HDAC4: variants seen among roughly 807,000 people sequenced by gnomAD.
HDAC4 encodes histone deacetylase A.
A neutral mutation model predicts 135.1 loss-of-function variants in HDAC4; 16 were observed. That is an observed-to-expected ratio of 0.12 (90% CI 0.08 to 0.18). The LOEUF is 0.18. Among genes scored for constraint, HDAC4 ranks in the 10% least tolerant of loss-of-function variants. The probability of loss-of-function intolerance (pLI) is 1.00; values close to 1 mark genes in which losing one functional copy is unlikely to be tolerated. For synonymous variants in HDAC4, 685 were observed against 653.4 expected, an observed-to-expected ratio of 1.05 and a Z score of -0.74; for missense variants, 1,143 against 1,511.8, an observed-to-expected ratio of 0.76 and a Z score of 4.05.
At chr2:239,343,305 C>T (rs1393710569) in intron 2 of HDAC4, among the ~76,000 whole-genome samples, 6 of 152,230 alleles carry the variant, frequency 3.9e-5, no homozygotes, top group African/African-American at 1.4e-4. Context: ...GTGAAAGTTT[C>T]AGCCCAAATC....
intron 3 of HDAC4, among the ~76,000 whole-genome samples, chr2:239,221,549 C>T (rs191127521): frequency 1.3e-5 from 2 of 152,138 alleles, no homozygotes; most frequent in East Asian, 1.9e-4. Flanking sequence ...CAGCACTCAC[C>T]GCAAGGCCTG....
At chr2:239,398,624 T>C (rs1191113515) in intron 1 of HDAC4, among the ~76,000 whole-genome samples, 1 of 152,244 alleles carries the variant, frequency 6.6e-6, no homozygotes, top group Non-Finnish European at 1.5e-5. Flanking sequence ...TGCCAGGTTG[T>C]CCTGTCCATC....
At chr2:239,343,258 G>A (rs766706043) in intron 2 of HDAC4, among the ~76,000 whole-genome samples, 37 of 152,172 alleles carry the variant, frequency 2.4e-4, no homozygotes, top group Admixed American at 1.6e-3. Flanking sequence ...ATGTTCTCAT[G>A]AAATAAACAA....
chr2:239,367,111 A>C (rs188220784), intron 1 of HDAC4, among the ~76,000 whole-genome samples: 3 of 152,312 alleles, frequency 2.0e-5, no homozygotes, highest in African/African-American at 7.2e-5. Context: ...CCCGTTTCTA[A>C]AACAGCGGTC....
Position 239,349,615 on chromosome 2 carries a change from C to T in HDAC4, c.22+3063G>A, listed in dbSNP as rs1363742857. Among the ~76,000 whole-genome samples the T allele has an allele frequency of 6.6e-6, 1 of 152,168 alleles. No homozygotes were observed. The highest frequency in any genetic ancestry group is 1.5e-5 in the Non-Finnish European group (1 of 68,018). On this transcript the variant is annotated intron_variant, in intron 2 of 26. Coordinates refer to ENST00000543185, the MANE Select transcript of HDAC4 (RefSeq NM_001378414.1). This position sits in a 1 kb window ranked among gnomAD's most constrained non-coding sequence, Gnocchi z 5.7. Reference sequence around the variant, plus strand: ...GGGAGGGCACGGTTCTGGGCAAGCCCCATCCCCCGCCTGAGACGTGGGCAG... The same window carrying T: ...GGGAGGGCACGGTTCTGGGCAAGCCTCATCCCCCGCCTGAGACGTGGGCAG...
At chr2:239,165,127 G>C (rs1188480252) in intron 5 of HDAC4, among the ~76,000 whole-genome samples, 1 of 152,146 alleles carries the variant, frequency 6.6e-6, no homozygotes, top group African/African-American at 2.4e-5. Flanking sequence ...GGAGGCTGAG[G>C]TGAGATAATC....
At chr2:239,114,363 G>C (rs1023627255) in intron 13 of HDAC4, among the ~76,000 whole-genome samples, 1 of 152,170 alleles carries the variant, frequency 6.6e-6, no homozygotes, top group African/African-American at 2.4e-5. Flanking sequence ...GTGGTTCCTC[G>C]GACTGGCTTC....
At chr2:239,273,940 T>G (rs541459741) in intron 2 of HDAC4, among the ~76,000 whole-genome samples, 2 of 152,354 alleles carry the variant, frequency 1.3e-5, no homozygotes, top group Admixed American at 6.5e-5. Context: ...GACTGATTAT[T>G]TGATGGATTC....
intron 2 of HDAC4, among the ~76,000 whole-genome samples, chr2:239,339,759 C>A (rs1692182481): frequency 6.6e-6 from 1 of 152,160 alleles, no homozygotes; most frequent in African/African-American, 2.4e-5. Flanking sequence ...TCCACCAAAT[C>A]CACTCATAAC....
At position 239,066,657 on chromosome 2, in the gene HDAC4, A is replaced by C. The variant is rs1388422642; in HGVS notation, c.3003+65T>G. 12 of 1,610,054 alleles carry C rather than the reference A, an allele frequency of 7.5e-6. No individual in the cohort carries two copies. The African/African-American group carries it at 8.0e-5, about 11-fold the overall frequency. On this transcript the variant is annotated intron_variant, in intron 24 of 26. Coordinates refer to ENST00000543185, the MANE Select transcript of HDAC4 (RefSeq NM_001378414.1). ...TTTTCATGCTCTGGGGCTCTCGGGC[A>C]GCCAGGCCACAACCCCGAGCCTGTC...
At chr2:239,080,684 TAAAG>T (rs2035228040) in intron 22 of HDAC4, among the ~76,000 whole-genome samples, 1 of 152,156 alleles carries the variant, frequency 6.6e-6, no homozygotes. Context: ...TAGGAATAAA[TAAAG>T]AAGAAATACT....
intron 13 of HDAC4, 61 bp downstream of exon 13, chr2:239,114,992 C>T: frequency 6.3e-7 from 1 of 1,594,022 alleles, no homozygotes; most frequent in South Asian, 1.1e-5. Context: ...GAAGATGCCA[C>T]CTGGGGACCG....
At chr2:239,394,228 C>G (rs1412984822) in intron 1 of HDAC4, among the ~76,000 whole-genome samples, 1 of 152,194 alleles carries the variant, frequency 6.6e-6, no homozygotes, top group Non-Finnish European at 1.5e-5. Context: ...TTGACTCACA[C>G]AGACGGAGTA....
intron 3 of HDAC4, among the ~76,000 whole-genome samples, chr2:239,207,566 G>A (rs1332100948): frequency 6.6e-6 from 1 of 152,060 alleles, no homozygotes; most frequent in Non-Finnish European, 1.5e-5. Context: ...ATATGGCAGA[G>A]ATTTAAAAAA....
chr2:239,239,098 A>C (rs1490477840), intron 2 of HDAC4, among the ~76,000 whole-genome samples: 1 of 152,274 alleles, frequency 6.6e-6, no homozygotes, highest in East Asian at 1.9e-4. Context: ...TGGGCGTCCA[A>C]TGATCCAGTT....
At chr2:239,162,135 G>A (rs1401930160) in intron 6 of HDAC4, 4 of 456,808 alleles carry the variant, frequency 8.8e-6, no homozygotes, top group Non-Finnish European at 1.8e-5. Context: ...CAGCCCCACT[G>A]CTCTAGTCCT....
At chr2:239,188,439 C>A (rs2044691246) in intron 4 of HDAC4, among the ~76,000 whole-genome samples, 1 of 152,248 alleles carries the variant, frequency 6.6e-6, no homozygotes, top group South Asian at 2.1e-4. Flanking sequence ...AGCTACTCTG[C>A]ACACTAGGTG....
chr2:239,226,668 G>GGGA (rs1451624531), intron 3 of HDAC4, among the ~76,000 whole-genome samples: 3 of 151,838 alleles, frequency 2.0e-5, no homozygotes, highest in African/African-American at 7.3e-5. Flanking sequence ...CATGTAATGG[G>GGGA]GGGGGTGATA....
intron 1 of HDAC4, among the ~76,000 whole-genome samples, chr2:239,388,020 G>C (rs749283637): frequency 6.6e-6 from 1 of 152,130 alleles, no homozygotes; most frequent in Non-Finnish European, 1.5e-5. Context: ...AGGGACTAAC[G>C]GACCACACGT....
Sources: allele counts gnomAD v4.1 joint callset (sites outside exome capture counted in the v4.1 genomes callset), GRCh38; gene constraint gnomAD v4.1.1; non-coding constraint Gnocchi (gnomAD v3.1); transcripts MANE v1.5; gene names NCBI Gene and HGNC (gene_info 2026-07-23, HGNC 2026-07-21).